PLXNA4: variants seen among roughly 807,000 people sequenced by gnomAD.
PLXNA4 encodes plexin A4, also known as plexin-A4.
In PLXNA4, 44 loss-of-function variants were observed where a neutral mutation model predicts 191.8. The ratio of observed to expected loss-of-function variants is 0.23; its 90% CI spans 0.18 to 0.29. The LOEUF (loss-of-function observed/expected upper bound fraction) is 0.29. Ranked by LOEUF, PLXNA4 falls within the 10% of genes least tolerant of loss-of-function variation. The pLI, the probability that PLXNA4 is intolerant of heterozygous loss-of-function variation, is 1.00. For missense variants in PLXNA4, 1,800 were observed against 2,488.8 expected, an observed-to-expected ratio of 0.72 and a Z score of 5.89; for synonymous variants, 1,082 against 1,009.5, an observed-to-expected ratio of 1.07 and a Z score of -1.36.
intron 3 of PLXNA4, among the ~76,000 whole-genome samples, chr7:132,439,989 T>C (rs1207983352): frequency 1.1e-4 from 2 of 18,976 alleles, no homozygotes; most frequent in Non-Finnish European, 2.8e-4. Flanking sequence ...TGCATGTGCA[T>C]GTGTGAGTGT....
At chr7:132,156,135 T>TACACACACACACACACACACACACAC (rs57153762) in intron 25 of PLXNA4, among the ~76,000 whole-genome samples, 1 of 133,006 alleles carries the variant, frequency 7.5e-6, no homozygotes, top group African/African-American at 2.9e-5. Flanking sequence ...TTTCTGGACA[T>TACACACACACACACACACACACACAC]ACACACACAC....
chr7:132,538,010 C>A lies in PLXNA4; in HGVS notation c.-86-29231G>T, dbSNP rs533704661. Among the ~76,000 whole-genome samples the A allele has an allele frequency of 2.6e-5, 4 of 152,242 alleles. No individual in the cohort carries two copies. The East Asian group carries it at 7.7e-4, about 29-fold the overall frequency. On this transcript the variant is annotated intron_variant, in intron 1 of 31. Coordinates refer to ENST00000321063, the MANE Select transcript of PLXNA4 (RefSeq NM_020911.2). ...GTAGAGCTTCGCTGATCCTGCCCGA[C>A]CCCAAACCTGCTCACATTTCAAGTC...
intron 3 of PLXNA4, among the ~76,000 whole-genome samples, chr7:132,435,732 C>T (rs575341447): frequency 2.6e-5 from 4 of 152,302 alleles, no homozygotes; most frequent in South Asian, 4.1e-4. Context: ...CTGTAGCCAG[C>T]GTGAGTGTGA....
chr7:132,626,522 G>A (rs1803376787), intron 2 of PLXNA4, among the ~76,000 whole-genome samples: 2 of 152,118 alleles, frequency 1.3e-5, no homozygotes, highest in African/African-American at 4.8e-5. Context: ...GTGATCATGA[G>A]TGAGCCCTCG....
intron 3 of PLXNA4, among the ~76,000 whole-genome samples, chr7:132,309,523 C>G (rs997819041): frequency 8.5e-5 from 13 of 152,268 alleles, no homozygotes; most frequent in Admixed American, 3.3e-4. Context: ...GGGAGGCTAC[C>G]TCCTCTCCTC....
intron 4 of PLXNA4, among the ~76,000 whole-genome samples, chr7:132,296,507 C>T (rs192176368): frequency 1.1e-3 from 171 of 150,638 alleles, no homozygotes; most frequent in Middle Eastern, 6.9e-3. Context: ...CCTGGCCTTT[C>T]GGTAATCCTC....
At chr7:132,611,365 C>A (rs112575695) in intron 2 of PLXNA4, among the ~76,000 whole-genome samples, 115 of 152,342 alleles carry the variant, frequency 7.5e-4, no homozygotes, top group Middle Eastern at 3.4e-3. Flanking sequence ...CTCCACTCCA[C>A]ATCAAAACTC....
chr7:132,344,494 A>T (rs1215467874), intron 3 of PLXNA4, among the ~76,000 whole-genome samples: 1 of 152,112 alleles, frequency 6.6e-6, no homozygotes, highest in Non-Finnish European at 1.5e-5. Context: ...GAGCAACTGC[A>T]TGTGCCTTGC....
At chr7:132,630,882 GT>G (rs1205028793) in intron 2 of PLXNA4, among the ~76,000 whole-genome samples, 2 of 152,196 alleles carry the variant, frequency 1.3e-5, no homozygotes, top group African/African-American at 4.8e-5. Flanking sequence ...TGTTTGATCT[GT>G]AAGTTTACCT....
intron 1 of PLXNA4, among the ~76,000 whole-genome samples, chr7:132,542,113 T>C (rs1402842958): frequency 1.3e-5 from 2 of 152,212 alleles, no homozygotes; most frequent in Non-Finnish European, 2.9e-5. Context: ...TGTGTTTTCT[T>C]GTGTAACAAC....
rs184939542 is a variant in PLXNA4, at chr7:132,267,813, C to A, written c.1504-26647G>T. 1.9e-4 allele frequency among the ~76,000 whole-genome samples: 29 copies of A among 152,230 alleles called. No homozygotes were observed. In the East Asian group the frequency reaches 5.2e-3, roughly 27 times the overall value. Reference sequence around the variant, plus strand: ...CCATAATAAAGCAAAGGAAAGAACCCGTGGGGTTTCTGCCCATGTCTGAGA... The same window carrying A: ...CCATAATAAAGCAAAGGAAAGAACCAGTGGGGTTTCTGCCCATGTCTGAGA... On this transcript the variant is annotated intron_variant, in intron 4 of 31. Transcript: ENST00000321063.
intron 30 of PLXNA4, among the ~76,000 whole-genome samples, chr7:132,140,005 T>C (rs1458757924): frequency 6.6e-6 from 1 of 152,182 alleles, no homozygotes; most frequent in African/African-American, 2.4e-5. Flanking sequence ...AGCCCAGCCC[T>C]GCGGCTCATA....
chr7:132,524,390 A>G (rs1799316215), intron 1 of PLXNA4, among the ~76,000 whole-genome samples: 1 of 152,216 alleles, frequency 6.6e-6, no homozygotes, highest in Non-Finnish European at 1.5e-5. Flanking sequence ...AAAGTTAATA[A>G]CATTAAAGGA....
intron 7 of PLXNA4, 147 bp from the exon 8 acceptor site, chr7:132,226,407 G>A (rs1223789247): frequency 1.6e-6 from 1 of 627,520 alleles, no homozygotes; most frequent in Non-Finnish European, 2.8e-6. Flanking sequence ...CCCAGTCCCA[G>A]GACAACCCTG....
At chr7:132,135,973 C>A (rs376243812) in intron 30 of PLXNA4, among the ~76,000 whole-genome samples, 2 of 152,136 alleles carry the variant, frequency 1.3e-5, no homozygotes, top group African/African-American at 2.4e-5. Flanking sequence ...GAATGGCCAC[C>A]GACAGCCCAG....
intron 3 of PLXNA4, among the ~76,000 whole-genome samples, chr7:132,313,989 G>A (rs1353250062): frequency 6.6e-6 from 1 of 152,138 alleles, no homozygotes; most frequent in East Asian, 1.9e-4. Context: ...GGCTCACTAA[G>A]TTGAGGAATA....
chr7:132,228,509 G>A (rs774218236), intron 5 of PLXNA4, 40 bp from the exon 6 acceptor site: 9 of 1,611,588 alleles, frequency 5.6e-6, no homozygotes, highest in Middle Eastern at 1.7e-4. Context: ...GGAGATGGCC[G>A]CTTGGTCCAG....
At chr7:132,427,571 G>T (rs1433615146) in intron 3 of PLXNA4, among the ~76,000 whole-genome samples, 1 of 152,184 alleles carries the variant, frequency 6.6e-6, no homozygotes, top group African/African-American at 2.4e-5. Flanking sequence ...TCCTCTAAGC[G>T]AGTAGTACAG....
chr7:132,289,947 C>T (rs954844423), intron 4 of PLXNA4, among the ~76,000 whole-genome samples: 20 of 152,124 alleles, frequency 1.3e-4, no homozygotes, highest in Non-Finnish European at 2.8e-4. Flanking sequence ...AGCAAGGTGG[C>T]CCTCGCCACT....
Sources: gnomAD v4.1 joint callset for allele counts (sites outside exome capture counted in the v4.1 genomes callset) on GRCh38, gnomAD v4.1.1 for gene constraint, MANE v1.5 for transcripts, NCBI Gene and HGNC (gene_info 2026-07-23, HGNC 2026-07-21) for gene names.